The following NAALADL2 variants were observed in gnomAD, a reference collection of about 807,000 sequenced individuals.
The protein encoded by NAALADL2 is inactive N-acetylated-alpha-linked acidic dipeptidase-like protein 2.
NAALADL2 carries 76 observed loss-of-function variants against 87.2 expected under a neutral mutation model. The observed-to-expected ratio is 0.87, with a 90% CI of 0.72 to 1.05. The LOEUF is 1.05. Among genes scored for constraint, NAALADL2 ranks in the 50% least tolerant of loss-of-function variants. NAALADL2 has a pLI of 0.00. For missense variants in NAALADL2, 1,089 were observed against 945.8 expected, an observed-to-expected ratio of 1.15 and a Z score of -1.99; for synonymous variants, 354 against 331.0, an observed-to-expected ratio of 1.07 and a Z score of -0.75.
At chr3:174,907,972 A>C (rs1733167801) in intron 1 of NAALADL2, among the ~76,000 whole-genome samples, 1 of 151,482 alleles carries the variant, frequency 6.6e-6, no homozygotes, top group African/African-American at 2.4e-5. Context: ...GCATTAAGTA[A>C]CATATTTCTT....
chr3:175,782,031 G>T (rs1751192732), intron 13 of NAALADL2, among the ~76,000 whole-genome samples: 1 of 150,432 alleles, frequency 6.6e-6, no homozygotes, highest in South Asian at 2.1e-4. Context: ...CAAAGGACAT[G>T]AACTCATCAT....
intron 3 of NAALADL2, among the ~76,000 whole-genome samples, chr3:175,249,185 T>A (rs2109743206): frequency 6.6e-6 from 1 of 152,278 alleles, no homozygotes; most frequent in South Asian, 2.1e-4. Flanking sequence ...TCTTTATTAA[T>A]AAGGTAGACA....
chr3:174,756,488 C>G (rs1215550964), intron 3 of NAALADL2, among the ~76,000 whole-genome samples: 1 of 152,108 alleles, frequency 6.6e-6, no homozygotes. Flanking sequence ...TTTATAATGG[C>G]TTTAAAAAAA....
intron 5 of NAALADL2, among the ~76,000 whole-genome samples, chr3:175,407,903 G>A (rs188379561): frequency 5.1e-4 from 77 of 152,182 alleles, no homozygotes; most frequent in African/African-American, 1.8e-3. Flanking sequence ...TCTTAAAAAG[G>A]TATATTAGAA....
intron 2 of NAALADL2, among the ~76,000 whole-genome samples, chr3:175,118,283 C>A (rs1373324838): frequency 1.3e-5 from 2 of 151,622 alleles, no homozygotes; most frequent in Non-Finnish European, 2.9e-5. Context: ...TTTCATCATT[C>A]TGAATAGCTC....
chr3:175,479,959 A>G (rs1223560742), intron 9 of NAALADL2, among the ~76,000 whole-genome samples: 5 of 151,782 alleles, frequency 3.3e-5, no homozygotes, highest in Non-Finnish European at 5.9e-5. Context: ...GAATTCTCAG[A>G]TAGGAAGAAT....
At chr3:174,921,337 C>T (rs984364552) in intron 1 of NAALADL2, among the ~76,000 whole-genome samples, 1 of 152,102 alleles carries the variant, frequency 6.6e-6, no homozygotes, top group African/African-American at 2.4e-5. Flanking sequence ...AACTAAATCA[C>T]TTAAATACAA....
At chr3:175,027,134 G>A (rs562600635) in intron 1 of NAALADL2, among the ~76,000 whole-genome samples, 5 of 152,040 alleles carry the variant, frequency 3.3e-5, no homozygotes, top group South Asian at 2.1e-4. Context: ...CCCTACACAC[G>A]TATACACCCA....
intron 3 of NAALADL2, among the ~76,000 whole-genome samples, chr3:174,780,934 G>A (rs1715892767): frequency 6.6e-6 from 1 of 151,888 alleles, no homozygotes; most frequent in South Asian, 2.1e-4. Context: ...TCCTTTCCAT[G>A]TTTAGTGCTT....
intron 2 of NAALADL2, among the ~76,000 whole-genome samples, chr3:174,722,775 T>A (rs1731824855): frequency 6.6e-6 from 1 of 152,222 alleles, no homozygotes; most frequent in South Asian, 2.1e-4. Flanking sequence ...TATGCAAATG[T>A]AATGAAACAA....
chr3:174,488,186 A>G (rs9866521), intron 1 of NAALADL2, among the ~76,000 whole-genome samples: 66,298 of 151,798 alleles, frequency 0.44, 15,710 homozygotes, highest in East Asian at 0.88. Flanking sequence ...ATTACTTTAC[A>G]TAAAACACTA....
At chr3:175,398,040 A>C (rs1770039677) in intron 5 of NAALADL2, among the ~76,000 whole-genome samples, 1 of 152,168 alleles carries the variant, frequency 6.6e-6, no homozygotes, top group African/African-American at 2.4e-5. Flanking sequence ...AACAAACAAA[A>C]AAAACTAATG....
At chr3:174,567,901 A>C (rs939628047) in intron 2 of NAALADL2, among the ~76,000 whole-genome samples, 1 of 151,848 alleles carries the variant, frequency 6.6e-6, no homozygotes, top group South Asian at 2.1e-4. Flanking sequence ...TTTCATTAGA[A>C]GGTCGTAGAG....
At chr3:175,344,517 G>GTTAA (rs1288592999) in intron 5 of NAALADL2, among the ~76,000 whole-genome samples, 1 of 151,566 alleles carries the variant, frequency 6.6e-6, no homozygotes, top group Non-Finnish European at 1.5e-5. Context: ...CCTTTTATGG[G>GTTAA]TTAATTGGAA....
At chr3:175,228,934 T>C (rs1187575744) in intron 2 of NAALADL2, among the ~76,000 whole-genome samples, 1 of 151,972 alleles carries the variant, frequency 6.6e-6, no homozygotes, top group Non-Finnish European at 1.5e-5. Context: ...AAATTATAAT[T>C]CATTATAGTA....
intron 13 of NAALADL2, among the ~76,000 whole-genome samples, chr3:175,800,782 G>A (rs1055151392): frequency 1.2e-4 from 18 of 152,246 alleles, no homozygotes; most frequent in African/African-American, 4.3e-4. Context: ...TCACAGCACT[G>A]AATTAGACTT....
At chr3:175,260,608 A>G (rs1750864353) in intron 4 of NAALADL2, among the ~76,000 whole-genome samples, 1 of 152,162 alleles carries the variant, frequency 6.6e-6, no homozygotes, top group Non-Finnish European at 1.5e-5. Flanking sequence ...AAGGCAGAAA[A>G]CCAACAGACT....
At chr3:175,563,607 C>G (rs1013738617) in intron 9 of NAALADL2, among the ~76,000 whole-genome samples, 3 of 152,028 alleles carry the variant, frequency 2.0e-5, no homozygotes, top group African/African-American at 4.8e-5. Context: ...TTTACAAACT[C>G]TTTTAAGTAT....
chr3:175,750,097 T>A (rs1164592825), intron 12 of NAALADL2, among the ~76,000 whole-genome samples: 1 of 152,166 alleles, frequency 6.6e-6, no homozygotes. Flanking sequence ...AATTTAGAGA[T>A]TAAGACACTG....
Sources: allele counts gnomAD v4.1 joint callset (sites outside exome capture counted in the v4.1 genomes callset), GRCh38; gene constraint gnomAD v4.1.1; transcripts MANE v1.5; gene names NCBI Gene and HGNC (gene_info 2026-07-23, HGNC 2026-07-21).